Variants in XPO6 observed in about 807,000 individuals in gnomAD.
The protein encoded by XPO6 is exportin-6.
In XPO6, 3 loss-of-function variants were observed where a neutral mutation model predicts 130.0. The observed-to-expected ratio is 0.02, with a 90% CI of 0.01 to 0.06. The LOEUF (loss-of-function observed/expected upper bound fraction) is 0.06. Among genes scored for constraint, XPO6 ranks in the 10% least tolerant of loss-of-function variants. The pLI is 1.00. For synonymous variants in XPO6, 524 were observed against 548.9 expected (o/e 0.95, Z 0.63); for missense variants, 970 against 1,393.0 (o/e 0.70, Z 4.83).
Position 28,152,709 on chromosome 16 carries a change from A to G in XPO6, c.1174T>C (p.Phe392Leu). 6.2e-7 allele frequency: 1 copy of G among 1,613,430 alleles called. No homozygotes were observed. Among genetic ancestry groups the G allele is most frequent in the East Asian group, 2.2e-5 (1 of 44,846 alleles). ...AGTGTCAAAAACTCCACCACAGGGA[A>G]CTGGGAGTAAGACTCGATTCTTCTT... ...HLRRIESYSQ[F>L]PVVEFLTLLF... Residue 392 changes from phenylalanine to leucine, a missense_variant, in exon 8 of 24, where the codon TTC becomes CTC. Around this residue, in one of 4 missense-constraint regions of XPO6, gnomAD observed 936 missense variants for 1,306.8 expected, o/e 0.72. Transcript: ENST00000304658.
chr16:28,190,944 G>A (rs1048315286), intron 1 of XPO6, among the ~76,000 whole-genome samples: 7 of 152,132 alleles, frequency 4.6e-5, no homozygotes, highest in African/African-American at 1.7e-4. Flanking sequence ...GGTGAGTTTG[G>A]GTAAAGGGTA....
In XPO6 at chr16:28,117,169, A is replaced by C. The variant is rs936427182; in HGVS notation, c.2004+149T>G. On this transcript the variant is annotated intron_variant, in intron 15 of 23. Transcript: ENST00000304658. ...TGAATGCATGTAGGCTACAACTAAAAAGGAACATGAAATAAAACAGATGTA... is the reference window on the plus strand; with the variant it reads ...TGAATGCATGTAGGCTACAACTAAACAGGAACATGAAATAAAACAGATGTA... 8.2e-6 allele frequency: 9 copies of C among 1,091,504 alleles called. 1 individual carries two copies. The highest frequency in any genetic ancestry group is 1.6e-5 in the African/African-American group (1 of 64,082). The allele number at this position is 1,091,504 out of a possible 1,614,324, so 67.6% of individuals were successfully genotyped here. A position where few individuals can be genotyped will look rare whatever the true frequency, so the allele number is the denominator to read the frequency against.
intron 9 of XPO6, among the ~76,000 whole-genome samples, chr16:28,138,731 C>A (rs2042828366): frequency 6.6e-6 from 1 of 152,146 alleles, no homozygotes; most frequent in Admixed American, 6.5e-5. Context: ...TCTAAGAAAG[C>A]TTCTTTTGCC....
At chr16:28,146,386 A>C (rs1229281671) in intron 8 of XPO6, 183 bp from the exon 9 acceptor site, 4 of 560,250 alleles carry the variant, frequency 7.1e-6, no homozygotes, top group Non-Finnish European at 6.4e-6. Flanking sequence ...CCTGAACCTT[A>C]CAAGACAAGG....
chr16:28,176,113 A>G lies in XPO6; in HGVS notation c.208-18T>C. 6.2e-7 allele frequency: 1 copy of G among 1,613,144 alleles called. No individual in the cohort carries two copies. The highest frequency in any genetic ancestry group is 8.5e-7 in the Non-Finnish European group (1 of 1,179,342). ...ATCAGATTCTGAAAAACAAATATAC[A>G]TCTTTTAAGTTAACAACCTATACAC... On this transcript the variant is annotated intron_variant, in intron 3 of 23. Transcript: ENST00000304658.
rs118000836 is a variant in XPO6, at chr16:28,137,911, A to G, written c.1335-2587T>C. 3.7e-3 allele frequency among the ~76,000 whole-genome samples: 567 copies of G among 151,992 alleles called. 33 individuals are homozygous for G. The East Asian group carries it at 0.099, about 27-fold the overall frequency. On this transcript the variant is annotated intron_variant, in intron 9 of 23. Transcript: ENST00000304658. The stretch of plus-strand genomic sequence containing the variant: ...CTCCAGTGTCTGTTGTTGCCATCCT[A>G]TGTCCACGAGCACCCACTATTTAGC...
chr16:28,178,828 G>A (rs987501058), intron 2 of XPO6, among the ~76,000 whole-genome samples: 24 of 151,696 alleles, frequency 1.6e-4, no homozygotes, highest in Admixed American at 1.3e-3. Context: ...CAGCACTTTC[G>A]GAGGCCAAGG....
intron 7 of XPO6, among the ~76,000 whole-genome samples, chr16:28,154,793 A>C (rs1029903200): frequency 2.0e-5 from 3 of 152,214 alleles, no homozygotes; most frequent in Non-Finnish European, 4.4e-5. Flanking sequence ...GATATTTGAT[A>C]GTTGATACAA....
chr16:28,106,181 G>A lies in XPO6; in HGVS notation c.2646C>T (p.Gly882=). The A allele has an allele frequency of 6.2e-7, 1 of 1,614,176 alleles. No homozygotes were observed. The highest frequency in any genetic ancestry group is 8.5e-7 in the Non-Finnish European group (1 of 1,180,052). Residue 882 remains glycine, a synonymous_variant, in exon 20 of 24, where the codon GGC becomes GGT. Coordinates refer to ENST00000304658, the MANE Select transcript of XPO6 (RefSeq NM_015171.4). This position sits in a 1 kb window ranked among gnomAD's most constrained non-coding sequence, Gnocchi z 4.2. ...EQLAESILHE[G]STGCRVVEKF... ...TCTCCACCACCCGGCAGCCTGTGCTGCCCTCGTGGAGGATGCTCTCGGCTA... is the reference window on the plus strand; with the variant it reads ...TCTCCACCACCCGGCAGCCTGTGCTACCCTCGTGGAGGATGCTCTCGGCTA...
chr16:28,112,004 G>A lies in XPO6; in HGVS notation c.2154C>T (p.Ala718=), dbSNP rs371230035. ...DASALRLVDK[A]QVLVCRALSN... ...AGAGGGCTCGGCACACCAACACCTG[G>A]GCCTACAAGAGACCCCAAAGGCATC... The change falls in exon 17 of 24, where the codon GCC becomes GCT. Residue 718 remains alanine, a splice_region_variant and synonymous_variant. Transcript: ENST00000304658. 17 of 1,609,846 alleles carry A rather than the reference G, an allele frequency of 1.1e-5. No individual in the cohort carries two copies. Among genetic ancestry groups the A allele is most frequent in the Non-Finnish European group, 1.4e-5 (17 of 1,177,972 alleles).
At chr16:28,113,773 A>G (rs1325434980) in intron 15 of XPO6, among the ~76,000 whole-genome samples, 1 of 97,022 alleles carries the variant, frequency 1.0e-5, no homozygotes, top group Non-Finnish European at 2.0e-5. Flanking sequence ...GAATGTGTGC[A>G]TTTCAGAATT....
intron 6 of XPO6, among the ~76,000 whole-genome samples, chr16:28,165,108 C>T (rs979858597): frequency 6.6e-6 from 1 of 152,082 alleles, no homozygotes; most frequent in Non-Finnish European, 1.5e-5. Flanking sequence ...TCCCAGCTAC[C>T]TGGGAGGCTG....
intron 1 of XPO6, among the ~76,000 whole-genome samples, chr16:28,198,757 A>C (rs1320894627): frequency 2.0e-5 from 3 of 152,184 alleles, no homozygotes; most frequent in Non-Finnish European, 4.4e-5. Context: ...TTTGTTAGTA[A>C]GTACCTATGG....
intron 9 of XPO6, among the ~76,000 whole-genome samples, chr16:28,143,506 CA>C (rs1027852281): frequency 2.8e-4 from 42 of 151,874 alleles, no homozygotes; most frequent in African/African-American, 9.9e-4. Context: ...TAGCCTAAAG[CA>C]AAAAAAGAAT....
At chr16:28,170,550 TTG>T (rs201424583) in intron 4 of XPO6, among the ~76,000 whole-genome samples, 1 of 152,134 alleles carries the variant, frequency 6.6e-6, no homozygotes, top group Non-Finnish European at 1.5e-5. Context: ...TAGCCAAGTT[TTG>T]TGTGTGTATG....
At chr16:28,153,577 A>G (rs2043132418) in intron 7 of XPO6, 2 of 985,310 alleles carry the variant, frequency 2.0e-6, no homozygotes, top group Non-Finnish European at 2.4e-6. Context: ...CACAGCTGCA[A>G]GGATAAGAGA....
At position 28,098,217 on chromosome 16, in the gene XPO6, G is replaced by A. The variant is rs1179999554; in HGVS notation, c.*321C>T. On this transcript the variant is annotated 3_prime_UTR_variant, in exon 24 of 24. Transcript: ENST00000304658. The stretch of plus-strand genomic sequence containing the variant: ...GTGGCACTGTCGTGAGCTGTCCTTG[G>A]CAATTCTGCCCCATGAGCCACGTGC... The A allele has an allele frequency of 7.9e-6, 2 of 254,112 alleles. No individual in the cohort carries two copies. Among genetic ancestry groups the A allele is most frequent in the Non-Finnish European group, 1.5e-5 (2 of 131,652 alleles). The allele number at this position is 254,112 out of a possible 1,614,324, so 15.7% of individuals were successfully genotyped here.
At chr16:28,184,162 T>C (rs970562591) in intron 1 of XPO6, among the ~76,000 whole-genome samples, 1 of 152,196 alleles carries the variant, frequency 6.6e-6, no homozygotes, top group Admixed American at 6.5e-5. Context: ...AAAATCCAAG[T>C]GCCATCGTGT....
intron 14 of XPO6, among the ~76,000 whole-genome samples, chr16:28,119,723 G>C (rs2087178320): frequency 6.6e-6 from 1 of 152,108 alleles, no homozygotes; most frequent in Non-Finnish European, 1.5e-5. Flanking sequence ...CTATATATGA[G>C]ATGACATTAT....
Sources: gnomAD v4.1 joint callset for allele counts (sites outside exome capture counted in the v4.1 genomes callset) on GRCh38, gnomAD v4.1.1 for gene constraint, gnomAD v4.1.1 regional missense constraint, Gnocchi (gnomAD v3.1) non-coding constraint, MANE v1.5 for transcripts, NCBI Gene and HGNC (gene_info 2026-07-23, HGNC 2026-07-21) for gene names.